The following SANBR variants were observed in gnomAD, a reference collection of about 807,000 sequenced individuals.
SANBR encodes the protein SANT and BTB domain regulator of CSR, also known as SANT and BTB domain regulator of class switch recombination.
In SANBR, 77 loss-of-function variants were observed where a neutral mutation model predicts 101.8. That is an observed-to-expected ratio of 0.76 (90% CI 0.63 to 0.91). SANBR has a LOEUF of 0.91. Among genes scored for constraint, SANBR ranks in the 40% least tolerant of loss-of-function variants. The probability of loss-of-function intolerance (pLI) is 0.00; values close to 1 mark genes in which losing one functional copy is unlikely to be tolerated. For missense variants in SANBR, 875 were observed against 853.0 expected, an observed-to-expected ratio of 1.03 and a Z score of -0.32; for synonymous variants, 279 against 274.7, an observed-to-expected ratio of 1.02 and a Z score of -0.15.
chr2:61,134,233 A>G (rs1573688714), exon 21 of SANBR: 14 of 1,594,848 alleles, frequency 8.8e-6, no homozygotes, highest in Non-Finnish European at 1.0e-5. Flanking sequence ...GCTGTGTTAA[A>G]CGAATTAATA....
At chr2:61,073,587 A>G (rs1427613678) in intron 5 of SANBR, 36 bp downstream of exon 5, 2 of 1,154,466 alleles carry the variant, frequency 1.7e-6, no homozygotes, top group Admixed American at 2.1e-5. Context: ...AAGATTAAAT[A>G]TTAATATCAA....
intron 10 of SANBR, chr2:61,089,061 T>C: frequency 1.0e-6 from 1 of 974,934 alleles, no homozygotes; most frequent in Non-Finnish European, 1.2e-6. Context: ...TTTAAAATGC[T>C]CTCTTTTCAC....
rs186994830 is a variant in SANBR at position 61,113,469 on chromosome 2, C to T, written c.1745-2510C>T. On this transcript the variant is annotated intron_variant, in intron 16 of 21. Transcript: ENST00000402291. ...CTTCCCATCCATGAACATGGAATATCTCTCCATTTATATAGGACTTCTTTA... is the reference window on the plus strand; with the variant it reads ...CTTCCCATCCATGAACATGGAATATTTCTCCATTTATATAGGACTTCTTTA... 4.6e-5 allele frequency among the ~76,000 whole-genome samples: 7 copies of T among 152,248 alleles called. No individual in the cohort carries two copies. The East Asian group carries it at 1.2e-3, about 25-fold the overall frequency.
chr2:61,112,618 C>T (rs1270669470), intron 16 of SANBR, among the ~76,000 whole-genome samples: 4 of 152,006 alleles, frequency 2.6e-5, no homozygotes, highest in East Asian at 3.9e-4. Context: ...CTCAGCCTCC[C>T]GAGTAGCTGG....
intron 16 of SANBR, among the ~76,000 whole-genome samples, chr2:61,115,228 C>G (rs576850679): frequency 3.3e-5 from 5 of 151,960 alleles, no homozygotes; most frequent in Non-Finnish European, 7.4e-5. Context: ...TTAATAGATG[C>G]TATTCAAGTT....
At chr2:61,074,774 A>G (rs1473770467) in intron 5 of SANBR, among the ~76,000 whole-genome samples, 1 of 152,156 alleles carries the variant, frequency 6.6e-6, no homozygotes, top group Non-Finnish European at 1.5e-5. Flanking sequence ...TTTTTTACTG[A>G]AATAATCTAA....
At chr2:61,134,662 A>G (rs1166705688) in intron 21 of SANBR, among the ~76,000 whole-genome samples, 2 of 152,218 alleles carry the variant, frequency 1.3e-5, no homozygotes, top group Non-Finnish European at 2.9e-5. Flanking sequence ...TGGGAGGCCA[A>G]GGTGGGCGGA....
At chr2:61,066,656 C>T (rs531970834) in intron 1 of SANBR, among the ~76,000 whole-genome samples, 56 of 152,370 alleles carry the variant, frequency 3.7e-4, no homozygotes, top group African/African-American at 1.3e-3. Context: ...CCCCACGGGG[C>T]CCCCTCTCTT....
chr2:61,133,438 C>A (rs922047053), intron 20 of SANBR, among the ~76,000 whole-genome samples: 1 of 151,836 alleles, frequency 6.6e-6, no homozygotes, highest in Admixed American at 6.6e-5. Context: ...TGTTAATTTT[C>A]TTATGTGAAT....
At chr2:61,102,245 G>A (rs1683323031) in intron 12 of SANBR, among the ~76,000 whole-genome samples, 1 of 151,440 alleles carries the variant, frequency 6.6e-6, no homozygotes. Flanking sequence ...GCGTGGTGGT[G>A]TGCGCCTGTA....
At chr2:61,104,204 T>G (rs760887471) in intron 13 of SANBR, among the ~76,000 whole-genome samples, 2 of 152,106 alleles carry the variant, frequency 1.3e-5, no homozygotes, top group South Asian at 2.1e-4. Context: ...TGGAGGTGGC[T>G]GGGCGCGGTG....
intron 14 of SANBR, 50 bp downstream of exon 14, chr2:61,106,712 CATTT>C: frequency 9.0e-7 from 1 of 1,111,230 alleles, no homozygotes; most frequent in Non-Finnish European, 1.3e-6. Flanking sequence ...TAATTAATGA[CATTT>C]AATCTTTGAC....
chr2:61,108,227 T>C, intron 14 of SANBR, 90 bp from the exon 15 acceptor site: 2 of 734,678 alleles, frequency 2.7e-6, no homozygotes, highest in South Asian at 4.5e-5. Flanking sequence ...TTTGTAACTT[T>C]TTTCAACTCT....
At chr2:61,129,165 C>T (rs771243094), downstream of SANBR, among the ~76,000 whole-genome samples, 10 of 152,066 alleles carry the variant, frequency 6.6e-5, no homozygotes, top group South Asian at 4.2e-4. Context: ...TTGAGGCATC[C>T]GGGCACGGTG....
chr2:61,080,949 A>G (rs1315723618), intron 6 of SANBR, among the ~76,000 whole-genome samples: 2 of 152,068 alleles, frequency 1.3e-5, no homozygotes, highest in Non-Finnish European at 2.9e-5. Context: ...CTTTTTCTGT[A>G]TGTCTGAAAG....
intron 11 of SANBR, chr2:61,094,214 C>G (rs923018295): frequency 4.2e-6 from 1 of 239,184 alleles, no homozygotes; most frequent in African/African-American, 2.3e-5. Flanking sequence ...TAACTACCTC[C>G]GCAATCAAAG....
At chr2:61,086,695 G>A (rs1362237899) in intron 8 of SANBR, among the ~76,000 whole-genome samples, 3 of 152,168 alleles carry the variant, frequency 2.0e-5, no homozygotes, top group Admixed American at 1.3e-4. Flanking sequence ...CATGACTGCT[G>A]AAAAAATTAG....
chr2:61,128,315 A>G (rs1315102939), downstream of SANBR, among the ~76,000 whole-genome samples: 1 of 151,766 alleles, frequency 6.6e-6, no homozygotes, highest in Non-Finnish European at 1.5e-5. Context: ...GAACCCCAGT[A>G]AGATCAACAG....
chr2:61,076,438 A>C (rs965334259), intron 5 of SANBR, among the ~76,000 whole-genome samples: 2 of 143,910 alleles, frequency 1.4e-5, no homozygotes, highest in African/African-American at 5.2e-5. Flanking sequence ...TAACACGGTG[A>C]AACCCCCTCT....
Sources: allele counts gnomAD v4.1 joint callset (sites outside exome capture counted in the v4.1 genomes callset), GRCh38; gene constraint gnomAD v4.1.1; transcripts MANE v1.5; gene names NCBI Gene and HGNC (gene_info 2026-07-23, HGNC 2026-07-21).